ANKRD36C: variants seen among roughly 807,000 people sequenced by gnomAD.
The protein encoded by ANKRD36C is ankyrin repeat domain-containing protein 36C.
In ANKRD36C, 61 loss-of-function variants were observed where a neutral mutation model predicts 276.4. The observed-to-expected ratio is 0.22, with a 90% CI of 0.18 to 0.27. The LOEUF (loss-of-function observed/expected upper bound fraction) is 0.27. Ranked by LOEUF, ANKRD36C falls within the 10% of genes least tolerant of loss-of-function variation. ANKRD36C has a pLI of 1.00. For missense variants in ANKRD36C, 1,447 were observed against 2,032.3 expected (o/e 0.71, Z 5.54); for synonymous variants, 483 against 680.1 (o/e 0.71, Z 4.51).
At chr2:95,880,306 T>G in intron 58 of ANKRD36C, 121 bp downstream of exon 78, 1 of 1,117,442 alleles carries the variant, frequency 8.9e-7, no homozygotes, top group African/African-American at 1.6e-5. Flanking sequence ...AGCTGCATTA[T>G]TTAGATGAAA....
At position 95,910,210 on chromosome 2, in the gene ANKRD36C, C is replaced by T. The variant is rs562448723; in HGVS notation, c.2653+2034G>A. The stretch of plus-strand genomic sequence containing the variant: ...CTTACAGCCAAGGTCATGTTCCAGA[C>T]CAGCAGCATCAGCATCACCCAACAA... On this transcript the variant is annotated intron_variant, in intron 42 of 66. Coordinates refer to ENST00000456556, the Ensembl canonical transcript of ANKRD36C. Among the ~76,000 whole-genome samples the T allele has an allele frequency of 1.1e-4, 17 of 151,482 alleles. No homozygotes were observed. In the South Asian group the frequency reaches 1.7e-3, roughly 15 times the overall value.
chr2:95,864,226 G>T (rs938809817), intron 60 of ANKRD36C, among the ~76,000 whole-genome samples: 2 of 152,016 alleles, frequency 1.3e-5, no homozygotes, highest in Non-Finnish European at 2.9e-5. Flanking sequence ...ATAAACAAAT[G>T]GGGTTTATTC....
At chr2:95,915,933 T>G (rs1259625373) in intron 38 of ANKRD36C, 47 bp downstream of exon 40, 1 of 1,536,024 alleles carries the variant, frequency 6.5e-7, no homozygotes. Context: ...GGAAGAGAAC[T>G]TCTTATCTGG....
At chr2:95,939,338 A>G (rs796704331) in intron 20 of ANKRD36C, among the ~76,000 whole-genome samples, 5,306 of 109,224 alleles carry the variant, frequency 0.049, no homozygotes, top group African/African-American at 0.095. Flanking sequence ...GATGACGTCA[A>G]ATGAGAGAAC....
In ANKRD36C at chr2:95,947,034, TATAAAAAA is replaced by T. The variant is rs946476854; in HGVS notation, c.1362+1488_1362+1495del. On this transcript the variant is annotated intron_variant, in intron 17 of 66. Coordinates refer to ENST00000456556, the Ensembl canonical transcript of ANKRD36C. ...TACCCTAAAACTTAAAGTATAATAA[TATAAAAAA>T]ATAAAAAAATAAAAAAAGAGTAATG... is the stretch of plus-strand genomic sequence containing the variant. Among the ~76,000 whole-genome samples the T allele has an allele frequency of 2.1e-3, 323 of 151,654 alleles. 1 individual carries two copies. Among genetic ancestry groups the T allele is most frequent in the African/African-American group, 7.3e-3 (301 of 41,406 alleles).
rs573278173 is a variant in ANKRD36C, at chr2:95,985,609, G to C, written c.486+1142C>G. ...ATTAAAATCTTCAGGGGATATCCTA[G>C]ACTTAGAGATTTGCTTTTAATTTCC... On this transcript the variant is annotated intron_variant, in intron 3 of 66. Transcript: ENST00000456556. 1.9e-3 allele frequency among the ~76,000 whole-genome samples: 291 copies of C among 152,266 alleles called. 1 individual carries two copies. The highest frequency in any genetic ancestry group is 6.3e-3 in the African/African-American group (262 of 41,550).
intron 42 of ANKRD36C, 117 bp from the exon 45 acceptor site, chr2:95,910,685 A>G: frequency 6.5e-7 from 1 of 1,549,132 alleles, no homozygotes; most frequent in Non-Finnish European, 8.7e-7. Flanking sequence ...GCAGGCTTTG[A>G]TGGCTTCTAC....
Position 95,884,335 on chromosome 2 carries a change from A to G in ANKRD36C, c.3192+5T>C, listed in dbSNP as rs1271049638. On this transcript the variant is annotated splice_donor_5th_base_variant and intron_variant, in intron 53 of 66. Transcript: ENST00000456556. ...AGTTCACAATATAAATAAGAGTTTAATTACCTTCAAGGCTGGTTGTCTCTG... is the reference window on the plus strand; with the variant it reads ...AGTTCACAATATAAATAAGAGTTTAGTTACCTTCAAGGCTGGTTGTCTCTG... 2.5e-6 allele frequency: 4 copies of G among 1,610,880 alleles called. No individual in the cohort carries two copies. The South Asian group carries it at 4.4e-5, about 18-fold the overall frequency.
intron 54 of ANKRD36C, 118 bp from the exon 75 acceptor site, chr2:95,882,615 T>A: frequency 1.7e-6 from 2 of 1,201,622 alleles, no homozygotes; most frequent in South Asian, 3.2e-5. Context: ...TAGGATTTGA[T>A]GTTTTACAGT....
At chr2:95,902,858 A>G (rs1306224955) in intron 42 of ANKRD36C, 28 bp downstream of exon 54, 1 of 1,545,194 alleles carries the variant, frequency 6.5e-7, no homozygotes, top group African/African-American at 1.4e-5. Context: ...TGGACTGAAC[A>G]TGACATTAAA....
intron 13 of ANKRD36C, among the ~76,000 whole-genome samples, chr2:95,955,810 G>C (rs1678313602): frequency 2.0e-5 from 3 of 152,290 alleles, no homozygotes; most frequent in African/African-American, 7.2e-5. Flanking sequence ...AGGATGTTAA[G>C]CAAGGATTCA....
At chr2:95,921,569 G>T in intron 34 of ANKRD36C, 38 bp downstream of exon 34, 1 of 1,584,200 alleles carries the variant, frequency 6.3e-7, no homozygotes, top group Non-Finnish European at 8.6e-7. Flanking sequence ...TTTTCTATCT[G>T]GATTGAACAT....
At chr2:95,953,471 G>A (rs1486732353) in intron 14 of ANKRD36C, among the ~76,000 whole-genome samples, 1 of 152,018 alleles carries the variant, frequency 6.6e-6, no homozygotes, top group African/African-American at 2.4e-5. Context: ...CAAAATATGT[G>A]CACAAGAAAT....
chr2:95,893,562 T>A (rs1236282922), intron 44 of ANKRD36C: 8 of 1,557,282 alleles, frequency 5.1e-6, no homozygotes, highest in East Asian at 4.8e-5. Flanking sequence ...ATCCTTTTTT[T>A]CTCTGGCTAT....
rs559804672 is a variant in ANKRD36C, at chr2:95,968,719, T to C, written c.800-6172A>G. ...TGTCAGATCCCACAGGTTGAGGGCT[T>C]AGTACCACAAGGCTATTCCCCCACA... On this transcript the variant is annotated intron_variant, in intron 6 of 66. Coordinates refer to ENST00000456556, the Ensembl canonical transcript of ANKRD36C. Among the ~76,000 whole-genome samples, 12 of 152,284 alleles carry C rather than the reference T, an allele frequency of 7.9e-5. No homozygotes were observed. In the East Asian group the frequency reaches 2.3e-3, roughly 29 times the overall value.
intron 3 of ANKRD36C, among the ~76,000 whole-genome samples, chr2:95,985,441 ATTG>A (rs1330555891): frequency 2.0e-5 from 3 of 152,076 alleles, no homozygotes; most frequent in Admixed American, 6.6e-5. Flanking sequence ...GAAATGTTTT[ATTG>A]TTGTTGTTGT....
At chr2:95,982,273 G>A (rs746671399) in exon 4 of ANKRD36C, 15 of 1,547,478 alleles carry the variant, frequency 9.7e-6, no homozygotes, top group South Asian at 7.2e-5. Flanking sequence ...GATAATCAAC[G>A]GCATTTATAT....
At chr2:95,855,576 A>T (rs5005868) in exon 63 of ANKRD36C, 1 of 1,610,708 alleles carries the variant, frequency 6.2e-7, no homozygotes, top group African/African-American at 1.3e-5. Context: ...CATTTTTTCA[A>T]TGTCCTTCAT....
At chr2:95,956,709 C>T in intron 13 of ANKRD36C, 77 bp downstream of exon 13, 1 of 1,326,912 alleles carries the variant, frequency 7.5e-7, no homozygotes, top group South Asian at 1.3e-5. Context: ...CAGAGGAGAA[C>T]ACTAAACGGG....
Sources: allele counts gnomAD v4.1 joint callset (sites outside exome capture counted in the v4.1 genomes callset), GRCh38; gene constraint gnomAD v4.1.1; transcripts MANE v1.5; gene names NCBI Gene and HGNC (gene_info 2026-07-23, HGNC 2026-07-21).